Variants in SPOCK3 observed in about 807,000 individuals in gnomAD.
The protein encoded by SPOCK3 is testican-3.
Under a neutral mutation model 56.6 loss-of-function variants are expected in SPOCK3, and 30 were observed. The ratio of observed to expected loss-of-function variants is 0.53; its 90% CI spans 0.40 to 0.72. The LOEUF (loss-of-function observed/expected upper bound fraction) is 0.72, where lower values mean the gene tolerates loss of function less well. Ranked by LOEUF, SPOCK3 falls within the 30% of genes least tolerant of loss-of-function variation. The pLI, the probability that SPOCK3 is intolerant of heterozygous loss-of-function variation, is 0.00. For synonymous variants in SPOCK3, 196 were observed against 183.3 expected, an observed-to-expected ratio of 1.07 and a Z score of -0.56; for missense variants, 527 against 530.0, an observed-to-expected ratio of 0.99 and a Z score of 0.06.
chr4:167,145,223 G>C (rs1763846020), intron 2 of SPOCK3, among the ~76,000 whole-genome samples: 1 of 152,036 alleles, frequency 6.6e-6, no homozygotes, highest in East Asian at 1.9e-4. Context: ...TAAAAGAAGA[G>C]GATTGCCATT....
chr4:167,012,624 G>A (rs539029812), intron 3 of SPOCK3, among the ~76,000 whole-genome samples: 23 of 152,046 alleles, frequency 1.5e-4, no homozygotes, highest in African/African-American at 5.5e-4. Flanking sequence ...TCAGAGTTTA[G>A]TGGCAATTTT....
At chr4:166,963,501 C>T (rs969121909) in intron 4 of SPOCK3, among the ~76,000 whole-genome samples, 35 of 151,956 alleles carry the variant, frequency 2.3e-4, no homozygotes, top group African/African-American at 8.4e-4. Context: ...AGTGTTAGCA[C>T]CGTAACACTA....
intron 4 of SPOCK3, among the ~76,000 whole-genome samples, chr4:166,965,888 C>G (rs532652151): frequency 6.6e-6 from 1 of 152,146 alleles, no homozygotes; most frequent in East Asian, 1.9e-4. Flanking sequence ...AATATTCACT[C>G]TTGGTATACA....
At chr4:167,002,299 A>G (rs1749023871) in intron 3 of SPOCK3, among the ~76,000 whole-genome samples, 1 of 152,178 alleles carries the variant, frequency 6.6e-6, no homozygotes, top group African/African-American at 2.4e-5. Flanking sequence ...TATAATATAT[A>G]TGCACATATA....
intron 2 of SPOCK3, among the ~76,000 whole-genome samples, chr4:167,172,113 G>T (rs888467369): frequency 3.3e-5 from 5 of 152,140 alleles, no homozygotes. Flanking sequence ...GGCCAGCCTG[G>T]AATCTCTCAG....
At chr4:166,919,215 T>C (rs1215383173) in intron 4 of SPOCK3, among the ~76,000 whole-genome samples, 1 of 152,206 alleles carries the variant, frequency 6.6e-6, no homozygotes, top group African/African-American at 2.4e-5. Context: ...ACAAGTATGA[T>C]GTAGAAAAGT....
intron 6 of SPOCK3, among the ~76,000 whole-genome samples, chr4:166,884,221 C>G (rs1733962572): frequency 6.6e-6 from 1 of 151,988 alleles, no homozygotes; most frequent in East Asian, 1.9e-4. Flanking sequence ...GGCGTGGTGG[C>G]TGGCACCTGT....
intron 6 of SPOCK3, among the ~76,000 whole-genome samples, chr4:166,888,694 T>C (rs548240005): frequency 1.6e-4 from 24 of 152,172 alleles, no homozygotes; most frequent in Non-Finnish European, 2.8e-4. Flanking sequence ...ACACCAGCTG[T>C]ATACATGGGG....
At chr4:166,963,064 C>G (rs1215680055) in intron 4 of SPOCK3, among the ~76,000 whole-genome samples, 1 of 151,990 alleles carries the variant, frequency 6.6e-6, no homozygotes, top group East Asian at 1.9e-4. Context: ...TGCTGCAGTC[C>G]AAGTTTCTCC....
chr4:166,987,320 C>A (rs1747277160), intron 4 of SPOCK3, among the ~76,000 whole-genome samples: 1 of 152,140 alleles, frequency 6.6e-6, no homozygotes, highest in Admixed American at 6.6e-5. Flanking sequence ...TCTTTTCACT[C>A]AAGTAATTCT....
At chr4:166,739,533 C>G (rs559028009) in intron 9 of SPOCK3, among the ~76,000 whole-genome samples, 2 of 152,192 alleles carry the variant, frequency 1.3e-5, no homozygotes, top group African/African-American at 4.8e-5. Flanking sequence ...GAGCCGTCAT[C>G]CCCGACTAGA....
Position 167,118,237 on chromosome 4 carries a change from G to A in SPOCK3, c.190-55700C>T, listed in dbSNP as rs556142252. On this transcript the variant is annotated intron_variant, in intron 2 of 10. Transcript: ENST00000357545. ...TCCAAAAAGTAAACAACCTAGATCC[G>A]GAAGTAATTTTATAGCTTATAGAAC... is the stretch of plus-strand genomic sequence containing the variant. Among the ~76,000 whole-genome samples, 20 of 152,176 alleles carry A rather than the reference G, an allele frequency of 1.3e-4. No homozygotes were observed. The South Asian group carries it at 3.1e-3, about 24-fold the overall frequency.
intron 6 of SPOCK3, among the ~76,000 whole-genome samples, chr4:166,824,437 G>A (rs1300025945): frequency 6.6e-6 from 1 of 151,946 alleles, no homozygotes; most frequent in African/African-American, 2.4e-5. Context: ...TCTCTCTCTA[G>A]TATGATAATA....
At chr4:167,043,015 A>T (rs1228116724) in intron 3 of SPOCK3, among the ~76,000 whole-genome samples, 2 of 151,954 alleles carry the variant, frequency 1.3e-5, no homozygotes, top group Non-Finnish European at 2.9e-5. Flanking sequence ...CAACCTCATC[A>T]CTTTTTCTGT....
At chr4:167,153,811 T>C (rs1157052741) in intron 2 of SPOCK3, among the ~76,000 whole-genome samples, 1 of 152,146 alleles carries the variant, frequency 6.6e-6, no homozygotes. Flanking sequence ...CAAAGACAAT[T>C]ATATTACTTA....
intron 4 of SPOCK3, among the ~76,000 whole-genome samples, chr4:166,953,346 A>G (rs554036994): frequency 7.0e-4 from 107 of 152,282 alleles, no homozygotes; most frequent in Non-Finnish European, 1.2e-3. Flanking sequence ...GCTCACCATC[A>G]CTGGCCATCA....
At chr4:166,948,199 T>A (rs894903773) in intron 4 of SPOCK3, among the ~76,000 whole-genome samples, 1 of 152,210 alleles carries the variant, frequency 6.6e-6, no homozygotes, top group Non-Finnish European at 1.5e-5. Context: ...AGGACGTTTT[T>A]AATGGTCGAA....
At chr4:167,134,350 C>G (rs1369693240) in intron 2 of SPOCK3, among the ~76,000 whole-genome samples, 1 of 151,910 alleles carries the variant, frequency 6.6e-6, no homozygotes, top group African/African-American at 2.4e-5. Flanking sequence ...ACTTGTACAC[C>G]TTTTATTTAA....
At chr4:167,005,590 TAA>T (rs5863855) in intron 3 of SPOCK3, among the ~76,000 whole-genome samples, 5 of 149,288 alleles carry the variant, frequency 3.3e-5, no homozygotes, top group South Asian at 2.1e-4. Context: ...CAGAAACCAT[TAA>T]AAAAAAAACA....
Sources: allele counts gnomAD v4.1 joint callset (sites outside exome capture counted in the v4.1 genomes callset), GRCh38; gene constraint gnomAD v4.1.1; transcripts MANE v1.5; gene names NCBI Gene and HGNC (gene_info 2026-07-23, HGNC 2026-07-21).